The following ANKRD30B variants were observed in gnomAD, a reference collection of about 807,000 sequenced individuals.
ANKRD30B encodes the protein ankyrin repeat domain-containing protein 30B.
ANKRD30B carries 144 observed loss-of-function variants against 202.2 expected under a neutral mutation model. That is an observed-to-expected ratio of 0.71 (90% CI 0.62 to 0.82). The LOEUF (loss-of-function observed/expected upper bound fraction) is 0.82, where lower values mean the gene tolerates loss of function less well. Among genes scored for constraint, ANKRD30B ranks in the 40% least tolerant of loss-of-function variants. ANKRD30B has a pLI of 0.00. For missense variants in ANKRD30B, 1,487 were observed against 1,669.1 expected, an observed-to-expected ratio of 0.89 and a Z score of 1.90; for synonymous variants, 508 against 561.3, an observed-to-expected ratio of 0.91 and a Z score of 1.34.
downstream of ANKRD30B, among the ~76,000 whole-genome samples, chr18:14,854,893 G>A (rs1054273652): frequency 6.6e-6 from 1 of 150,414 alleles, no homozygotes; most frequent in South Asian, 2.1e-4. Flanking sequence ...TCTACCCTTG[G>A]GGTGATGCAC....
chr18:14,785,818 C>T (rs1285694217), intron 14 of ANKRD30B, among the ~76,000 whole-genome samples: 1 of 152,092 alleles, frequency 6.6e-6, no homozygotes, highest in Non-Finnish European at 1.5e-5. Flanking sequence ...GCGGGTGGAT[C>T]ATGAGGTCAG....
chr18:14,925,438 C>T, the ANKRD30B span, among the ~76,000 whole-genome samples: 37 of 152,364 alleles, frequency 2.4e-4, no homozygotes, highest in Admixed American at 1.3e-3. Context: ...TCCTCACATT[C>T]GGCTCTGGGA....
chr18:14,760,610 C>A lies in ANKRD30B; in HGVS notation c.812C>A (p.Thr271Asn). Reference protein sequence around the residue: ...IRKLPKNPQNTNPEGTSTGTP... With the variant: ...IRKLPKNPQNNNPEGTSTGTP... ...AAATTACCTAAAAATCCTCAAAATA[C>A]CAATCCAGGTAAGACTTCGGATAGC... The change falls in exon 6 of 44, where the codon ACC becomes AAC. Residue 271 changes from threonine to asparagine, a missense_variant. Around this residue, in one of 6 missense-constraint regions of ANKRD30B, gnomAD observed 889 missense variants for 841.4 expected, o/e 1.06. Coordinates refer to ENST00000690538, the MANE Select transcript of ANKRD30B (RefSeq NM_001367607.2). The A allele has an allele frequency of 6.5e-7, 1 of 1,535,764 alleles. No individual in the cohort carries two copies. Among genetic ancestry groups the A allele is most frequent in the East Asian group, 2.5e-5 (1 of 40,174 alleles).
chr18:14,898,171 T>A, the ANKRD30B span, among the ~76,000 whole-genome samples: 5 of 152,200 alleles, frequency 3.3e-5, no homozygotes, highest in African/African-American at 1.2e-4. Flanking sequence ...TGAAATATAG[T>A]TTATTCTAAC....
the ANKRD30B span, among the ~76,000 whole-genome samples, chr18:14,937,538 C>G: frequency 6.6e-6 from 1 of 152,172 alleles, no homozygotes; most frequent in South Asian, 2.1e-4. Context: ...ACTGCAGCCT[C>G]TGATGGGTCG....
intron 33 of ANKRD30B, among the ~76,000 whole-genome samples, chr18:14,830,408 G>A (rs1263503102): frequency 1.3e-5 from 2 of 151,948 alleles, no homozygotes; most frequent in African/African-American, 4.8e-5. Context: ...TACTTTTAAT[G>A]TTTCAATTTT....
At chr18:14,931,459 C>T in the ANKRD30B span, among the ~76,000 whole-genome samples, 2 of 152,234 alleles carry the variant, frequency 1.3e-5, no homozygotes, top group South Asian at 4.1e-4. Flanking sequence ...AATGCCCAGA[C>T]TTTCCGTCAC....
chr18:14,916,502 G>C, the ANKRD30B span, among the ~76,000 whole-genome samples: 1 of 151,770 alleles, frequency 6.6e-6, no homozygotes, highest in African/African-American at 2.4e-5. Context: ...GCTGGAAGAA[G>C]AGCAGATTCA....
At chr18:14,756,499 T>C (rs574888350) in intron 4 of ANKRD30B, among the ~76,000 whole-genome samples, 135 of 152,336 alleles carry the variant, frequency 8.9e-4, no homozygotes, top group African/African-American at 3.2e-3. Flanking sequence ...TCCTGAATGG[T>C]ATTGCCTAGG....
At chr18:14,754,327 G>A (rs1380694528) in intron 3 of ANKRD30B, among the ~76,000 whole-genome samples, 1 of 152,110 alleles carries the variant, frequency 6.6e-6, no homozygotes, top group Non-Finnish European at 1.5e-5. Flanking sequence ...TTTGTCAAAT[G>A]TTAATCTCTG....
chr18:14,776,842 G>A (rs1386127763), intron 9 of ANKRD30B, among the ~76,000 whole-genome samples: 1 of 152,036 alleles, frequency 6.6e-6, no homozygotes, highest in Non-Finnish European at 1.5e-5. Context: ...AAGCAGTTCT[G>A]TATCAGCAAA....
At position 14,755,672 on chromosome 18, in the gene ANKRD30B, C is replaced by G. The variant is rs543729889; in HGVS notation, c.617+667C>G. ...TGTGGTGTTTGGTTTTTTGTCCTTG[C>G]GATAGTTTGCTGAGAATGATAGTTT... On this transcript the variant is annotated intron_variant, in intron 4 of 43. Coordinates refer to ENST00000690538, the MANE Select transcript of ANKRD30B (RefSeq NM_001367607.2). Among the ~76,000 whole-genome samples, 9 of 152,138 alleles carry G rather than the reference C, an allele frequency of 5.9e-5. No individual in the cohort carries two copies. The East Asian group carries it at 7.7e-4, about 13-fold the overall frequency.
In ANKRD30B at chr18:14,763,833, C is replaced by A; in HGVS notation, c.968C>A (p.Ala323Glu). ...GCCAAAATTCAATGTCTGGGGAAAG[C>A]AACATCTGGAAAGTTTGAACAGTCA... ...TSAKIQCLGK[A>E]TSGKFEQSTE... Residue 323 changes from alanine to glutamate, a missense_variant, in exon 7 of 44, where the codon GCA (alanine) becomes GAA (glutamate). Physicochemically the swap from Ala to Glu is moderately radical, Grantham distance 107. This residue lies in a region of ANKRD30B where 889 missense variants were observed against 841.4 expected (regional missense o/e 1.06). Transcript: ENST00000690538. The A allele has an allele frequency of 6.2e-7, 1 of 1,613,386 alleles. No individual in the cohort carries two copies. Among genetic ancestry groups the A allele is most frequent in the Non-Finnish European group, 8.5e-7 (1 of 1,179,704 alleles).
chr18:14,790,623 C>T (rs1385613734), intron 15 of ANKRD30B, among the ~76,000 whole-genome samples: 11 of 152,044 alleles, frequency 7.2e-5, no homozygotes, highest in African/African-American at 2.7e-4. Flanking sequence ...TTGTCAAAGG[C>T]CTTTTCTGCA....
the ANKRD30B span, among the ~76,000 whole-genome samples, chr18:14,925,888 G>A: frequency 2.3e-4 from 35 of 152,308 alleles, no homozygotes; most frequent in African/African-American, 7.0e-4. Context: ...GAGCAGGCTC[G>A]CAGCTGAAGA....
rs200428778 is a variant in ANKRD30B, at chr18:14,752,602, A to G, written c.258A>G (p.Ala86=). 10,796 of 1,612,714 alleles carry G rather than the reference A, an allele frequency of 6.7e-3. 52 individuals carry two copies. The highest frequency in any genetic ancestry group is 8.0e-3 in the Non-Finnish European group (9,410 of 1,179,202). The stretch of plus-strand genomic sequence containing the variant: ...ACTGGGCCTGTGTCAATGGCCATGC[A>G]GAAGTAGTAACATTTCTGGTAGACA... ...ALHWACVNGH[A]EVVTFLVDRK... The change falls in exon 2 of 44, where the codon GCA becomes GCG. Residue 86 remains alanine (A), a synonymous_variant. Coordinates refer to ENST00000690538, the MANE Select transcript of ANKRD30B (RefSeq NM_001367607.2).
chr18:14,789,854 G>A (rs1383901314), intron 15 of ANKRD30B, among the ~76,000 whole-genome samples: 2 of 151,874 alleles, frequency 1.3e-5, no homozygotes, highest in Admixed American at 1.3e-4. Context: ...TTTTGGCTTA[G>A]GATTGACTTG....
At chr18:14,846,583 TC>T (rs1331129340) in intron 39 of ANKRD30B, among the ~76,000 whole-genome samples, 2 of 151,982 alleles carry the variant, frequency 1.3e-5, no homozygotes, top group African/African-American at 2.4e-5. Flanking sequence ...TATTTTTGTA[TC>T]ATGTATTTTG....
rs1913672498 is a variant in ANKRD30B, at chr18:14,752,812, A to G, written c.337-27A>G. ...TTATTTTGATTTCCTATAATTTATA[A>G]TGTACTTCTTGCTTTAATACTGACA... On this transcript the variant is annotated intron_variant, in intron 2 of 43. Coordinates refer to ENST00000690538, the MANE Select transcript of ANKRD30B (RefSeq NM_001367607.2). 1.9e-6 allele frequency: 3 copies of G among 1,590,208 alleles called. 1 individual carries two copies. In the South Asian group the frequency reaches 3.4e-5, roughly 18 times the overall value.
Sources: allele counts gnomAD v4.1 joint callset (sites outside exome capture counted in the v4.1 genomes callset), GRCh38; gene constraint gnomAD v4.1.1; regional missense constraint gnomAD v4.1.1; transcripts MANE v1.5; gene names NCBI Gene and HGNC (gene_info 2026-07-23, HGNC 2026-07-21).